Variants in RBMS3 observed in about 807,000 individuals in gnomAD.
RBMS3 encodes RNA-binding motif, single-stranded-interacting protein 3.
A neutral mutation model predicts 66.8 loss-of-function variants in RBMS3; 27 were observed. That is an observed-to-expected ratio of 0.40 (90% confidence interval 0.30 to 0.56). The LOEUF is 0.56. Among genes scored for constraint, RBMS3 ranks in the 20% least tolerant of loss-of-function variants. The probability of loss-of-function intolerance (pLI) is 0.40; values close to 1 mark genes in which losing one functional copy is unlikely to be tolerated. For synonymous variants in RBMS3, 188 were observed against 183.0 expected (o/e 1.03, Z -0.22); for missense variants, 513 against 549.5 (o/e 0.93, Z 0.66).
At chr3:29,743,919 C>T (rs1286429044) in intron 5 of RBMS3, among the ~76,000 whole-genome samples, 9 of 127,798 alleles carry the variant, frequency 7.0e-5, no homozygotes, top group African/African-American at 2.1e-4. Flanking sequence ...CAACAGTCCC[C>T]AGAGTGTGAT....
chr3:29,360,565 GC>G (rs1280485180), intron 1 of RBMS3, among the ~76,000 whole-genome samples: 1 of 151,966 alleles, frequency 6.6e-6, no homozygotes, highest in East Asian at 1.9e-4. Flanking sequence ...TATTAGGTCT[GC>G]TTGGTGCAGA....
intron 2 of RBMS3, among the ~76,000 whole-genome samples, chr3:29,437,119 T>C (rs1477408036): frequency 6.6e-6 from 1 of 152,238 alleles, no homozygotes; most frequent in Non-Finnish European, 1.5e-5. Context: ...CTTGAGCCAA[T>C]TGTTACATAT....
intron 10 of RBMS3, among the ~76,000 whole-genome samples, chr3:29,913,269 CTA>C (rs1451993348): frequency 6.6e-6 from 1 of 151,948 alleles, no homozygotes; most frequent in Non-Finnish European, 1.5e-5. Flanking sequence ...TCAAACCATT[CTA>C]TCTTACAATA....
At chr3:29,459,463 C>T (rs148835269) in intron 2 of RBMS3, among the ~76,000 whole-genome samples, 4 of 152,216 alleles carry the variant, frequency 2.6e-5, no homozygotes, top group African/African-American at 9.6e-5. Flanking sequence ...TATTATCCAC[C>T]TGTTTAACAT....
chr3:29,929,015 A>G (rs1395497611), intron 10 of RBMS3, among the ~76,000 whole-genome samples: 1 of 152,174 alleles, frequency 6.6e-6, no homozygotes, highest in African/African-American at 2.4e-5. Context: ...TAATATTTCC[A>G]TTGACTCAGC....
intron 1 of RBMS3, among the ~76,000 whole-genome samples, chr3:29,429,656 C>G (rs1003775932): frequency 6.6e-6 from 1 of 152,178 alleles, no homozygotes; most frequent in Non-Finnish European, 1.5e-5. Context: ...TTACAGTGTT[C>G]AGTAACCCCA....
chr3:29,898,553 C>A (rs1559780211), intron 9 of RBMS3, among the ~76,000 whole-genome samples: 1 of 151,714 alleles, frequency 6.6e-6, no homozygotes, highest in East Asian at 2.0e-4. Flanking sequence ...AGATCATTTT[C>A]TTTCTTTTTC....
chr3:29,941,224 CCA>C (rs1290783788), intron 11 of RBMS3, among the ~76,000 whole-genome samples: 6 of 151,778 alleles, frequency 4.0e-5, no homozygotes, highest in African/African-American at 1.5e-4. Context: ...CCATTTGTCC[CCA>C]CAGTTCTCTA....
intron 6 of RBMS3, among the ~76,000 whole-genome samples, chr3:29,851,062 C>T (rs1230522312): frequency 6.6e-6 from 1 of 152,180 alleles, no homozygotes; most frequent in Admixed American, 6.5e-5. Flanking sequence ...GAGATCTTTC[C>T]AGATTACTGC....
intron 4 of RBMS3, among the ~76,000 whole-genome samples, chr3:29,660,144 T>C (rs1414066966): frequency 3.9e-5 from 6 of 152,186 alleles, no homozygotes; most frequent in African/African-American, 1.2e-4. Flanking sequence ...TTAGTGAGAG[T>C]GGGGTATTGG....
chr3:29,565,554 G>C, intron 3 of RBMS3, among the ~76,000 whole-genome samples: 1 of 151,978 alleles, frequency 6.6e-6, no homozygotes. Flanking sequence ...GGGCTCTTTT[G>C]TTAAGTCACA....
At chr3:29,446,556 C>T (rs141055028) in intron 2 of RBMS3, among the ~76,000 whole-genome samples, 3,056 of 152,030 alleles carry the variant, frequency 0.02, 36 homozygotes, top group South Asian at 0.028. Context: ...TAAATACATA[C>T]AATTTAGGTT....
chr3:29,726,613 T>C (rs2053889194), intron 4 of RBMS3, among the ~76,000 whole-genome samples: 2 of 151,932 alleles, frequency 1.3e-5, no homozygotes, highest in African/African-American at 4.8e-5. Context: ...CACAATTGCA[T>C]GGGAGAATAA....
At chr3:29,546,657 A>G (rs1237875429) in intron 3 of RBMS3, among the ~76,000 whole-genome samples, 4 of 152,214 alleles carry the variant, frequency 2.6e-5, no homozygotes, top group African/African-American at 9.7e-5. Context: ...GAGGGCTAGT[A>G]GCACAGTGGG....
intron 10 of RBMS3, chr3:29,934,100 T>G (rs375136415): frequency 2.0e-5 from 3 of 152,246 alleles, no homozygotes; most frequent in East Asian, 3.9e-4. Context: ...AGTTTGGTTT[T>G]TATCTCTGAT....
chr3:29,677,671 C>G (rs1293431695), intron 4 of RBMS3, among the ~76,000 whole-genome samples: 1 of 152,134 alleles, frequency 6.6e-6, no homozygotes, highest in Non-Finnish European at 1.5e-5. Context: ...TTACTGTAGA[C>G]AGCCTCAGAT....
At chr3:29,729,855 TAAG>T (rs1477256041) in intron 4 of RBMS3, among the ~76,000 whole-genome samples, 3 of 151,960 alleles carry the variant, frequency 2.0e-5, no homozygotes, top group South Asian at 2.1e-4. Flanking sequence ...TATAGAACAA[TAAG>T]AAGAACAACA....
At chr3:29,559,135 G>T (rs1170121645) in intron 3 of RBMS3, among the ~76,000 whole-genome samples, 1 of 152,040 alleles carries the variant, frequency 6.6e-6, no homozygotes, top group Non-Finnish European at 1.5e-5. Context: ...ATTGTTGCCA[G>T]TGATTATCTC....
intron 4 of RBMS3, among the ~76,000 whole-genome samples, chr3:29,723,931 A>T (rs2053749758): frequency 6.6e-6 from 1 of 152,022 alleles, no homozygotes; most frequent in South Asian, 2.1e-4. Context: ...ACTCCCAGGG[A>T]AGTCTGAATA....
Sources: gnomAD v4.1 joint callset for allele counts (sites outside exome capture counted in the v4.1 genomes callset) on GRCh38, gnomAD v4.1.1 for gene constraint, MANE v1.5 for transcripts, NCBI Gene and HGNC (gene_info 2026-07-23, HGNC 2026-07-21) for gene names.